Variants in ABR observed in about 807,000 individuals in gnomAD.
ABR encodes the protein active breakpoint cluster region-related protein.
ABR carries 35 observed loss-of-function variants against 107.2 expected under a neutral mutation model. The observed-to-expected ratio is 0.33, with a 90% CI of 0.25 to 0.43. ABR has a LOEUF of 0.43. Ranked by LOEUF, ABR falls within the 20% of genes least tolerant of loss-of-function variation. The pLI is 1.00. For missense variants in ABR, 815 were observed against 1,115.2 expected (o/e 0.73, Z 3.83); for synonymous variants, 498 against 462.0 (o/e 1.08, Z -1.00).
At chr17:1,195,255 G>C (rs79153408) in intron 1 of ABR, among the ~76,000 whole-genome samples, 26,779 of 120,558 alleles carry the variant, frequency 0.22, 3,741 homozygotes, top group East Asian at 0.52. Flanking sequence ...TGCAGTGAGC[G>C]GAGATCGCGC....
chr17:1,176,522 G>A (rs2041924348), intron 1 of ABR, among the ~76,000 whole-genome samples: 1 of 152,218 alleles, frequency 6.6e-6, no homozygotes, highest in Non-Finnish European at 1.5e-5. Context: ...GAGTTGCAGA[G>A]TTGTGAGATT....
At chr17:1,031,391 GCGCCAGGGTC>G (rs1292469049) in intron 16 of ABR, among the ~76,000 whole-genome samples, 7 of 152,182 alleles carry the variant, frequency 4.6e-5, no homozygotes, top group South Asian at 2.1e-4. Flanking sequence ...AGATGCCCGA[GCGCCAGGGTC>G]CGGGTGGGGG....
At chr17:1,175,599 G>GC (rs2041891421) in intron 1 of ABR, among the ~76,000 whole-genome samples, 1 of 152,270 alleles carries the variant, frequency 6.6e-6, no homozygotes, top group African/African-American at 2.4e-5. Flanking sequence ...CAGCCCCAGG[G>GC]CCCCTGGCAG....
intron 1 of ABR, among the ~76,000 whole-genome samples, chr17:1,205,231 G>C (rs913577199): frequency 1.6e-4 from 24 of 152,124 alleles, no homozygotes; most frequent in Non-Finnish European, 4.4e-5. Context: ...ACTGTAATGA[G>C]CTCTGGGCCC....
chr17:1,151,487 C>A (rs2040790888), intron 1 of ABR, among the ~76,000 whole-genome samples: 1 of 151,018 alleles, frequency 6.6e-6, no homozygotes, highest in Non-Finnish European at 1.5e-5. Flanking sequence ...AACGCCCCCA[C>A]CTCTCTCATT....
intron 1 of ABR, among the ~76,000 whole-genome samples, chr17:1,224,335 G>A (rs1025059877): frequency 3.9e-5 from 6 of 152,124 alleles, no homozygotes; most frequent in Admixed American, 3.3e-4. Flanking sequence ...TGTTGCTATC[G>A]TGCGCGGACA....
intron 1 of ABR, among the ~76,000 whole-genome samples, chr17:1,142,327 G>A (rs1424184374): frequency 6.6e-6 from 1 of 151,956 alleles, no homozygotes; most frequent in Non-Finnish European, 1.5e-5. Flanking sequence ...GCTCACGCCT[G>A]TCATCCCAGC....
At chr17:1,132,210 C>G (rs1435001078) in intron 1 of ABR, among the ~76,000 whole-genome samples, 2 of 151,598 alleles carry the variant, frequency 1.3e-5, no homozygotes, top group Non-Finnish European at 2.9e-5. Flanking sequence ...AACACACACA[C>G]ACACAAAGAC....
chr17:1,113,277 G>GT (rs1416563541), intron 2 of ABR, among the ~76,000 whole-genome samples: 5 of 88,206 alleles, frequency 5.7e-5, no homozygotes, highest in Non-Finnish European at 8.6e-5. Context: ...CACCTATTGC[G>GT]ATTTTTTTTT....
At chr17:1,180,256 G>C (rs564434179), upstream of ABR, among the ~76,000 whole-genome samples, 3 of 152,128 alleles carry the variant, frequency 2.0e-5, no homozygotes, top group African/African-American at 7.2e-5. Flanking sequence ...CTGGCGATCC[G>C]CAAACCAGGT....
At chr17:1,014,308 G>A (rs1042282749) in intron 16 of ABR, among the ~76,000 whole-genome samples, 2 of 135,306 alleles carry the variant, frequency 1.5e-5, no homozygotes, top group South Asian at 2.6e-4. Flanking sequence ...GGGCGTGGTG[G>A]CGGGCGCCTG....
rs774163265 is a variant in ABR, at chr17:1,057,987, T to C, written c.1364A>G (p.Gln455Arg). The C allele has an allele frequency of 6.2e-7, 1 of 1,613,984 alleles. No individual in the cohort carries two copies. Among genetic ancestry groups the C allele is most frequent in the Admixed American group, 1.7e-5 (1 of 60,014 alleles). Residue 455 changes from glutamine to arginine, a missense_variant, in exon 12 of 23, where the codon CAG (glutamine) becomes CGG (arginine). By Grantham distance (43) the Gln-to-Arg change is conservative (BLOSUM62 1). Around this residue, in one of 5 missense-constraint regions of ABR, gnomAD observed 385 missense variants for 596.9 expected, o/e 0.64. Transcript: ENST00000302538. ...YERSEWREAI[Q>R]KLQKKDLQAF... Reference sequence around the variant, plus strand: ...GAATTTACCCTTCTTCTGTAGTTTCTGAATTGCTTCTCTCCACTCTGACCT... The same window carrying C: ...GAATTTACCCTTCTTCTGTAGTTTCCGAATTGCTTCTCTCCACTCTGACCT...
At chr17:1,007,994 G>C (rs1260377803) in intron 21 of ABR, among the ~76,000 whole-genome samples, 2 of 152,212 alleles carry the variant, frequency 1.3e-5, no homozygotes, top group Non-Finnish European at 2.9e-5. Context: ...CCCCGTGCCT[G>C]TCCGGAAAGG....
upstream of ABR, among the ~76,000 whole-genome samples, chr17:1,180,038 C>CG (rs1236233097): frequency 0.015 from 120 of 8,258 alleles, 1 homozygote; most frequent in African/African-American, 0.064. Flanking sequence ...GGCTTTGGTG[C>CG]GGGGGCGGGG....
At chr17:1,111,702 C>G (rs2038686227) in intron 2 of ABR, among the ~76,000 whole-genome samples, 1 of 152,228 alleles carries the variant, frequency 6.6e-6, no homozygotes, top group African/African-American at 2.4e-5. Flanking sequence ...CCTTCATTCT[C>G]CCGCCTCCTG....
intron 3 of ABR, among the ~76,000 whole-genome samples, chr17:1,093,033 G>A (rs2037141996): frequency 6.6e-6 from 1 of 151,916 alleles, no homozygotes; most frequent in African/African-American, 2.4e-5. Context: ...GTGTTAGCCA[G>A]GATGGTCTTG....
chr17:1,130,147 G>A (rs1435878768), intron 1 of ABR, among the ~76,000 whole-genome samples: 2 of 152,110 alleles, frequency 1.3e-5, no homozygotes, highest in Non-Finnish European at 2.9e-5. Flanking sequence ...AATGGTGGTG[G>A]TGGCAGGGAC....
At chr17:1,208,091 A>G (rs2042831115) in intron 1 of ABR, among the ~76,000 whole-genome samples, 1 of 152,128 alleles carries the variant, frequency 6.6e-6, no homozygotes, top group Non-Finnish European at 1.5e-5. Flanking sequence ...CTTTGGGGCC[A>G]TTGATATCAG....
chr17:1,094,128 C>T (rs1370613103), intron 3 of ABR, among the ~76,000 whole-genome samples: 1 of 152,138 alleles, frequency 6.6e-6, no homozygotes, highest in Admixed American at 6.6e-5. Flanking sequence ...TCCTTCTGAC[C>T]CTCGCCGTCC....
Sources: allele counts gnomAD v4.1 joint callset (sites outside exome capture counted in the v4.1 genomes callset), GRCh38; gene constraint gnomAD v4.1.1; regional missense constraint gnomAD v4.1.1; transcripts MANE v1.5; gene names NCBI Gene and HGNC (gene_info 2026-07-23, HGNC 2026-07-21).